RALYL: variants seen among roughly 807,000 people sequenced by gnomAD.
The protein encoded by RALYL is RALY RNA binding protein like, also known as RNA-binding Raly-like protein.
Under a neutral mutation model 35.1 loss-of-function variants are expected in RALYL, and 29 were observed. That is an observed-to-expected ratio of 0.83 (90% CI 0.61 to 1.13). RALYL has a LOEUF of 1.13. RALYL is among the 50% of genes most tolerant of loss of function. RALYL has a pLI of 0.00. For synonymous variants in RALYL, 120 were observed against 127.6 expected, an observed-to-expected ratio of 0.94 and a Z score of 0.40; for missense variants, 359 against 360.4, an observed-to-expected ratio of 1.00 and a Z score of 0.03.
intron 2 of RALYL, among the ~76,000 whole-genome samples, chr8:84,553,904 CA>C (rs2060918711): frequency 6.6e-6 from 1 of 152,130 alleles, no homozygotes; most frequent in Non-Finnish European, 1.5e-5. Context: ...TTAAGTGTTA[CA>C]CAAACATTTG....
intron 5 of RALYL, among the ~76,000 whole-genome samples, chr8:84,859,219 C>T (rs1040618400): frequency 6.6e-6 from 1 of 152,150 alleles, no homozygotes; most frequent in South Asian, 2.1e-4. Flanking sequence ...ACAATCAGTC[C>T]GATTGGTTGC....
At chr8:84,565,356 T>C (rs1471592308) in intron 2 of RALYL, among the ~76,000 whole-genome samples, 1 of 151,634 alleles carries the variant, frequency 6.6e-6, no homozygotes, top group Non-Finnish European at 1.5e-5. Flanking sequence ...AATCAATTTC[T>C]GTAACATTTA....
intron 6 of RALYL, among the ~76,000 whole-genome samples, chr8:84,871,421 T>G (rs1031574075): frequency 3.3e-5 from 5 of 152,188 alleles, no homozygotes; most frequent in Non-Finnish European, 7.3e-5. Context: ...TCAGCTATAG[T>G]CCTATTTATT....
At chr8:84,208,857 T>C (rs1818716676) in intron 1 of RALYL, among the ~76,000 whole-genome samples, 2 of 152,122 alleles carry the variant, frequency 1.3e-5, no homozygotes, top group South Asian at 2.1e-4. Flanking sequence ...TTTTGTGATA[T>C]AAGAGACTTC....
intron 1 of RALYL, among the ~76,000 whole-genome samples, chr8:84,252,900 A>G (rs917860888): frequency 2.0e-5 from 3 of 152,138 alleles, no homozygotes; most frequent in African/African-American, 7.2e-5. Flanking sequence ...CTTTAAGAAC[A>G]TCAATATCCT....
At chr8:84,668,499 G>A (rs568695738) in intron 2 of RALYL, among the ~76,000 whole-genome samples, 3 of 152,112 alleles carry the variant, frequency 2.0e-5, no homozygotes, top group Admixed American at 6.6e-5. Flanking sequence ...AGATCCAGGT[G>A]GTTAGAGTAT....
chr8:84,249,881 T>C (rs536515467), intron 1 of RALYL, among the ~76,000 whole-genome samples: 1 of 151,696 alleles, frequency 6.6e-6, no homozygotes, highest in East Asian at 1.9e-4. Flanking sequence ...AAAGGTTTTT[T>C]TTTTCCTATA....
chr8:84,274,832 T>A, intron 1 of RALYL, among the ~76,000 whole-genome samples: 1 of 152,124 alleles, frequency 6.6e-6, no homozygotes, highest in East Asian at 1.9e-4. Context: ...CTTATGGTAG[T>A]TTTTTTGCCA....
At chr8:84,684,314 T>C (rs1836296935) in intron 2 of RALYL, among the ~76,000 whole-genome samples, 1 of 152,168 alleles carries the variant, frequency 6.6e-6, no homozygotes, top group Non-Finnish European at 1.5e-5. Flanking sequence ...TTGATAAATA[T>C]TTATTGAGTA....
chr8:84,634,774 T>G (rs1012940235), intron 2 of RALYL, among the ~76,000 whole-genome samples: 5 of 151,720 alleles, frequency 3.3e-5, no homozygotes, highest in African/African-American at 1.2e-4. Context: ...AAAGAGAACT[T>G]CAAGGAGTTG....
intron 2 of RALYL, among the ~76,000 whole-genome samples, chr8:84,580,094 CTATT>C (rs1810474400): frequency 6.6e-6 from 1 of 152,166 alleles, no homozygotes; most frequent in South Asian, 2.1e-4. Context: ...TGGCACATCT[CTATT>C]TGATTGATAG....
intron 2 of RALYL, among the ~76,000 whole-genome samples, chr8:84,599,243 A>G (rs941735885): frequency 1.6e-4 from 24 of 152,052 alleles, no homozygotes; most frequent in African/African-American, 5.6e-4. Flanking sequence ...ATGTGCTATG[A>G]TTATAGAATA....
intron 1 of RALYL, among the ~76,000 whole-genome samples, chr8:84,262,953 C>T (rs1424314214): frequency 6.6e-6 from 1 of 152,090 alleles, no homozygotes; most frequent in Non-Finnish European, 1.5e-5. Context: ...TGAGAAGTGT[C>T]TCTAGTTTTT....
At chr8:84,551,206 G>A (rs1389965347) in intron 2 of RALYL, among the ~76,000 whole-genome samples, 1 of 151,708 alleles carries the variant, frequency 6.6e-6, no homozygotes, top group Non-Finnish European at 1.5e-5. Flanking sequence ...AATATAAACG[G>A]TACCTGGAAT....
At chr8:84,298,186 A>C (rs930754004) in intron 1 of RALYL, among the ~76,000 whole-genome samples, 1 of 151,932 alleles carries the variant, frequency 6.6e-6, no homozygotes, top group Non-Finnish European at 1.5e-5. Flanking sequence ...CTAAGCCTTT[A>C]ATCCATCTTG....
At chr8:84,859,638 C>G (rs1302873468) in intron 5 of RALYL, among the ~76,000 whole-genome samples, 1 of 152,050 alleles carries the variant, frequency 6.6e-6, no homozygotes, top group African/African-American at 2.4e-5. Context: ...TCACTTCAGT[C>G]CAAGAGTTCG....
chr8:84,901,026 G>A (rs1290340400), intron 8 of RALYL, among the ~76,000 whole-genome samples: 1 of 152,120 alleles, frequency 6.6e-6, no homozygotes, highest in Admixed American at 6.6e-5. Context: ...GCTTATCTAA[G>A]TTAGGTTTAC....
intron 1 of RALYL, among the ~76,000 whole-genome samples, chr8:84,527,379 C>T (rs1436728852): frequency 1.3e-5 from 2 of 152,182 alleles, no homozygotes. Flanking sequence ...GACCACCGGG[C>T]TCTGTAAACC....
chr8:84,477,719 C>T (rs1306244344), intron 1 of RALYL, among the ~76,000 whole-genome samples: 1 of 136,342 alleles, frequency 7.3e-6, no homozygotes, highest in African/African-American at 2.7e-5. Flanking sequence ...AGAATTAAAG[C>T]GTCACAGAAA....
Sources: allele counts gnomAD v4.1 joint callset (sites outside exome capture counted in the v4.1 genomes callset), GRCh38; gene constraint gnomAD v4.1.1; transcripts MANE v1.5; gene names NCBI Gene and HGNC (gene_info 2026-07-23, HGNC 2026-07-21).